The following PHLDB2 variants were observed in gnomAD, a reference collection of about 807,000 sequenced individuals.
The protein encoded by PHLDB2 is pleckstrin homology-like domain family B member 2.
Under a neutral mutation model 123.6 loss-of-function variants are expected in PHLDB2, and 71 were observed. The observed-to-expected ratio is 0.57, with a 90% CI of 0.47 to 0.70. PHLDB2 has a LOEUF of 0.70. Among genes scored for constraint, PHLDB2 ranks in the 30% least tolerant of loss-of-function variants. The pLI is 0.00. For missense variants in PHLDB2, 1,446 were observed against 1,519.5 expected, an observed-to-expected ratio of 0.95 and a Z score of 0.80; for synonymous variants, 547 against 541.6, an observed-to-expected ratio of 1.01 and a Z score of -0.14.
chr3:111,975,578 T>A lies in PHLDB2; in HGVS notation c.*1015T>A, dbSNP rs2072460191. ...CAATTAACATACTTATTTGCAGAAG[T>A]GGTGTAGTTCTATAAAACGGCAAAT... On this transcript the variant is annotated 3_prime_UTR_variant, in exon 18 of 18. Transcript: ENST00000431670. The A allele has an allele frequency of 6.6e-6, 1 of 152,412 alleles. No homozygotes were observed. Among genetic ancestry groups the A allele is most frequent in the East Asian group, 1.9e-4 (1 of 5,190 alleles). The allele number at this position is 152,412 out of a possible 1,614,324, so 9.4% of individuals were successfully genotyped here. A position where few individuals can be genotyped will look rare whatever the true frequency, so the allele number is the denominator to read the frequency against.
chr3:111,816,889 T>C (rs1174585915), intron 1 of PHLDB2, among the ~76,000 whole-genome samples: 1 of 152,128 alleles, frequency 6.6e-6, no homozygotes, highest in Non-Finnish European at 1.5e-5. Context: ...TGGGAGGTGA[T>C]TGAATTATGG....
intron 1 of PHLDB2, among the ~76,000 whole-genome samples, chr3:111,765,163 C>T (rs753451585): frequency 2.0e-5 from 3 of 152,198 alleles, no homozygotes; most frequent in Non-Finnish European, 4.4e-5. Flanking sequence ...ACTCTTAACC[C>T]TTGGCTCACT....
chr3:111,883,974 C>A, intron 1 of PHLDB2, 90 bp from the exon 2 acceptor site: 1 of 1,268,124 alleles, frequency 7.9e-7, no homozygotes, highest in Non-Finnish European at 1.1e-6. Context: ...GGTCAGACTG[C>A]AAGATTGTTT....
At chr3:111,739,584 AAAACAAAACAAAC>A (rs2059565341) in intron 1 of PHLDB2, among the ~76,000 whole-genome samples, 2 of 78,906 alleles carry the variant, frequency 2.5e-5, no homozygotes, top group Non-Finnish European at 7.2e-5. Context: ...AAAAAAAAAA[AAAACAAAACAAAC>A]AAAAAAAAAA....
At chr3:111,905,744 G>A (rs2067483239) in intron 2 of PHLDB2, among the ~76,000 whole-genome samples, 1 of 152,148 alleles carries the variant, frequency 6.6e-6, no homozygotes, top group South Asian at 2.1e-4. Flanking sequence ...GTTTATATCA[G>A]CATCGCAGCA....
At chr3:111,740,899 T>TAAAA in intron 1 of PHLDB2, among the ~76,000 whole-genome samples, 1 of 126,488 alleles carries the variant, frequency 7.9e-6, no homozygotes, top group African/African-American at 2.9e-5. Context: ...CCCATCAAGT[T>TAAAA]AAAAAAAAAA....
intron 1 of PHLDB2, among the ~76,000 whole-genome samples, chr3:111,814,212 A>G (rs890665102): frequency 5.3e-5 from 8 of 152,194 alleles, no homozygotes; most frequent in African/African-American, 1.2e-4. Context: ...CATTTGAGTC[A>G]GGCTAGGGAA....
At chr3:111,872,828 T>C (rs1559878561) in intron 1 of PHLDB2, among the ~76,000 whole-genome samples, 1 of 152,190 alleles carries the variant, frequency 6.6e-6, no homozygotes, top group Non-Finnish European at 1.5e-5. Flanking sequence ...TGAATTGATT[T>C]GTAAGGTTAA....
chr3:111,807,970 AT>A (rs1195596374), intron 1 of PHLDB2, among the ~76,000 whole-genome samples: 4 of 129,150 alleles, frequency 3.1e-5, no homozygotes, highest in Non-Finnish European at 6.3e-5. Context: ...TTTTTGCCTA[AT>A]TTTATGAGTG....
intron 9 of PHLDB2, 37 bp from the exon 10 acceptor site, chr3:111,948,895 C>G: frequency 6.2e-7 from 1 of 1,608,298 alleles, no homozygotes; most frequent in South Asian, 1.1e-5. Context: ...TCAGCTTTTG[C>G]TTTCTTTGTG....
intron 1 of PHLDB2, 60 bp from the exon 2 acceptor site, chr3:111,884,004 A>C: frequency 6.8e-7 from 1 of 1,473,502 alleles, no homozygotes; most frequent in East Asian, 2.3e-5. Flanking sequence ...TAGGCCTAAC[A>C]AGGGATTGTT....
chr3:111,888,596 A>G (rs2066307577), intron 2 of PHLDB2, among the ~76,000 whole-genome samples: 1 of 152,196 alleles, frequency 6.6e-6, no homozygotes, highest in Admixed American at 6.5e-5. Flanking sequence ...AGGAAGTTAC[A>G]CTTGTAAGGT....
intron 1 of PHLDB2, among the ~76,000 whole-genome samples, chr3:111,775,181 A>G (rs912063970): frequency 6.6e-5 from 10 of 152,166 alleles, no homozygotes; most frequent in Non-Finnish European, 1.5e-4. Flanking sequence ...AGATACTATC[A>G]TCATCACCAT....
At chr3:111,820,826 G>T (rs560236291) in intron 1 of PHLDB2, among the ~76,000 whole-genome samples, 1 of 152,210 alleles carries the variant, frequency 6.6e-6, no homozygotes, top group Non-Finnish European at 1.5e-5. Flanking sequence ...CACATATCCC[G>T]TTGCCCAAGT....
At chr3:111,904,857 G>A (rs576425274) in intron 2 of PHLDB2, among the ~76,000 whole-genome samples, 1 of 152,272 alleles carries the variant, frequency 6.6e-6, no homozygotes, top group East Asian at 1.9e-4. Flanking sequence ...CTGAGCTAAT[G>A]CTTATGCTGT....
At chr3:111,953,784 A>G (rs965689041) in intron 11 of PHLDB2, 146 bp from the exon 12 acceptor site, 3 of 592,174 alleles carry the variant, frequency 5.1e-6, no homozygotes, top group Non-Finnish European at 8.6e-6. Context: ...GGCCTTTACC[A>G]CTTAGCATCA....
rs181152365 is a variant in PHLDB2, at chr3:111,835,849, T to C, written c.-48-9972T>C. Reference sequence around the variant, plus strand: ...GACTCAGGGCCTAGGTTCCAAGGGCTAGCTTCTCCGAAGGGCCAGGAAGAA... The same window carrying C: ...GACTCAGGGCCTAGGTTCCAAGGGCCAGCTTCTCCGAAGGGCCAGGAAGAA... On this transcript the variant is annotated intron_variant, in intron 1 of 17. Coordinates refer to the PHLDB2 transcript ENST00000393923. Among the ~76,000 whole-genome samples, 265 of 152,320 alleles carry C rather than the reference T, an allele frequency of 1.7e-3. 1 individual carries two copies. The highest frequency in any genetic ancestry group is 6.0e-3 in the African/African-American group (249 of 41,570).
At chr3:111,783,279 C>T (rs7627909) in intron 1 of PHLDB2, among the ~76,000 whole-genome samples, 101,413 of 151,912 alleles carry the variant, frequency 0.67, 35,527 homozygotes, top group East Asian at 0.93. Context: ...ACGTGATAAC[C>T]TTTGCTTATA....
chr3:111,907,399 G>A (rs2067607820), intron 2 of PHLDB2, among the ~76,000 whole-genome samples: 3 of 152,202 alleles, frequency 2.0e-5, no homozygotes, highest in South Asian at 2.1e-4. Context: ...AGGTCAGAAA[G>A]TGTTACTCTA....
Sources: allele counts gnomAD v4.1 joint callset (sites outside exome capture counted in the v4.1 genomes callset), GRCh38; gene constraint gnomAD v4.1.1; transcripts MANE v1.5; gene names NCBI Gene and HGNC (gene_info 2026-07-23, HGNC 2026-07-21).